Variants in SLC13A5 observed in about 807,000 individuals in gnomAD.
SLC13A5 encodes solute carrier family 13 member 5, also known as Na(+)/citrate cotransporter.
A neutral mutation model predicts 56.5 loss-of-function variants in SLC13A5; 25 were observed. The observed-to-expected ratio is 0.44, with a 90% CI of 0.32 to 0.62. SLC13A5 has a LOEUF of 0.62. Among genes scored for constraint, SLC13A5 ranks in the 20% least tolerant of loss-of-function variants. The pLI is 0.04. For synonymous variants in SLC13A5, 307 were observed against 301.5 expected (o/e 1.02, Z -0.19); for missense variants, 649 against 737.8 (o/e 0.88, Z 1.39).
chr17:6,689,540 A>G (rs930261237), intron 10 of SLC13A5: 3 of 152,200 alleles, frequency 2.0e-5, no homozygotes, highest in African/African-American at 7.2e-5. Flanking sequence ...GCTGGAGATG[A>G]CAAAGCCACG....
rs1380447406 is a variant in SLC13A5, at chr17:6,695,724, A to T, written c.1055+2T>A. ...GCGATTTCTATTGAATCCAAGACTT[A>T]CTTTGTCTCACCCTCCACCCAGGCA... On this transcript the variant is annotated splice_donor_variant, in intron 7 of 11. Transcript: ENST00000433363. LOFTEE classifies it high-confidence loss of function. 6.2e-7 allele frequency: 1 copy of T among 1,614,010 alleles called. No homozygotes were observed.
At chr17:6,700,199 A>C (rs1247366207) in intron 6 of SLC13A5, among the ~76,000 whole-genome samples, 1 of 152,068 alleles carries the variant, frequency 6.6e-6, no homozygotes. Flanking sequence ...AAAAACAATA[A>C]CTTTTTTTTA....
chr17:6,695,937 T>C lies in SLC13A5; in HGVS notation c.844A>G (p.Lys282Glu). 6.2e-7 allele frequency: 1 copy of C among 1,613,706 alleles called. No homozygotes were observed. Among genetic ancestry groups the C allele is most frequent in the Non-Finnish European group, 8.5e-7 (1 of 1,179,944 alleles). Reference protein sequence around the residue: ...LQFVYMRFNFKKSWGCGLESK... With the variant: ...LQFVYMRFNFEKSWGCGLESK... The stretch of plus-strand genomic sequence containing the variant: ...TCTAGCCCGCAGCCCCAGGACTTTT[T>C]AAAACTGGAGAATGCAAAGATGAGA... The change falls in exon 7 of 12, where the codon AAA (lysine) becomes GAA (glutamate). Residue 282 changes from lysine (K) to glutamate (E), a missense_variant. Coordinates refer to ENST00000433363, the MANE Select transcript of SLC13A5 (RefSeq NM_177550.5).
In SLC13A5 at chr17:6,690,861, A is replaced by G; in HGVS notation, c.1355T>C (p.Leu452Ser). The change falls in exon 10 of 12, where the codon TTG becomes TCG. Residue 452 changes from leucine (L) to serine (S), a missense_variant. Coordinates refer to ENST00000433363, the MANE Select transcript of SLC13A5 (RefSeq NM_177550.5). ...AVPPAAITLI[L>S]SLLVAVFTEC... ...AGTGAACACGGCAACGAGCAAGGAC[A>G]AGATCAAGGTGATGGCTGCCGGGGG... 5 of 1,614,214 alleles carry G rather than the reference A, an allele frequency of 3.1e-6. No homozygotes were observed. The highest frequency in any genetic ancestry group is 4.2e-6 in the Non-Finnish European group (5 of 1,180,018).
intron 9 of SLC13A5, 27 bp downstream of exon 9, chr17:6,693,017 T>C: frequency 6.3e-7 from 1 of 1,581,212 alleles, no homozygotes; most frequent in South Asian, 1.1e-5. Flanking sequence ...AAGAGGGCTC[T>C]GGGCAGCCTG....
At chr17:6,707,296 C>T in intron 1 of SLC13A5, 140 bp from the exon 2 acceptor site, 1 of 1,187,330 alleles carries the variant, frequency 8.4e-7, no homozygotes, top group Non-Finnish European at 1.2e-6. Flanking sequence ...ATCTTGTTCC[C>T]CAGCCCTGGT....
chr17:6,695,632 C>T (rs1973538722), intron 7 of SLC13A5, 94 bp downstream of exon 7: 1 of 1,283,280 alleles, frequency 7.8e-7, no homozygotes, highest in Admixed American at 1.8e-5. Flanking sequence ...CTCAAGTGAC[C>T]CACCCACCTC....
chr17:6,707,196 C>T, intron 1 of SLC13A5, 40 bp from the exon 2 acceptor site: 1 of 1,609,456 alleles, frequency 6.2e-7, no homozygotes, highest in Non-Finnish European at 8.5e-7. Flanking sequence ...GTTGCCGCCT[C>T]CCTCTCCCCA....
chr17:6,698,201 C>T (rs918030856), intron 6 of SLC13A5, among the ~76,000 whole-genome samples: 2 of 152,360 alleles, frequency 1.3e-5, no homozygotes, highest in Non-Finnish European at 2.9e-5. Flanking sequence ...AGTGGCCCGT[C>T]GGGAAGGGGA....
intron 8 of SLC13A5, 65 bp downstream of exon 8, chr17:6,694,032 C>T (rs1204437634): frequency 2.1e-5 from 23 of 1,091,756 alleles, no homozygotes; most frequent in African/African-American, 3.2e-5. Flanking sequence ...CAAGGCATCC[C>T]ATAGTGACCC....
rs218696 is a variant in SLC13A5 at position 6,690,603 on chromosome 17, T to C, written c.1437+176A>G. ...GGTACAAAGAGGAGTGGCAAAGCAG[T>C]GGAGGCCTCAGGGGCAGAGGCATCC... is the stretch of plus-strand genomic sequence containing the variant. On this transcript the variant is annotated intron_variant, in intron 10 of 11. Coordinates refer to ENST00000433363, the MANE Select transcript of SLC13A5 (RefSeq NM_177550.5). Among the ~76,000 whole-genome samples, 97,253 of 152,154 alleles carry C rather than the reference T, an allele frequency of 0.64. 32,780 individuals carry two copies. Among genetic ancestry groups the C allele is most frequent in the African/African-American group, 0.85 (35,141 of 41,522 alleles).
rs965183654 is a variant in SLC13A5 at position 6,692,369 on chromosome 17, C to T, written c.1275+675G>A. Among the ~76,000 whole-genome samples, 7 of 152,166 alleles carry T rather than the reference C, an allele frequency of 4.6e-5. No individual in the cohort carries two copies. The highest frequency in any genetic ancestry group is 1.0e-4 in the Non-Finnish European group (7 of 67,992). On this transcript the variant is annotated intron_variant, in intron 9 of 11. Coordinates refer to ENST00000433363, the MANE Select transcript of SLC13A5 (RefSeq NM_177550.5). This position sits in a 1 kb window ranked among gnomAD's most constrained non-coding sequence, Gnocchi z 5.5. Reference sequence around the variant, plus strand: ...CTAGATGGATGGATTTGTTCACCTCCGCAAAAACTTAGCACCCACTAGGCA... The same window carrying T: ...CTAGATGGATGGATTTGTTCACCTCTGCAAAAACTTAGCACCCACTAGGCA...
chr17:6,706,633 C>G lies in SLC13A5; in HGVS notation c.368+9G>C. 1 of 1,612,630 alleles carries G rather than the reference C, an allele frequency of 6.2e-7. No homozygotes were observed. Among genetic ancestry groups the G allele is most frequent in the Non-Finnish European group, 8.5e-7 (1 of 1,179,444 alleles). ...GAGCCACGTGGCAAGAGAGAGAAGG[C>G]GTAATTACCGTGCAGGCTTGGCCCC... On this transcript the variant is annotated intron_variant, in intron 3 of 11. Coordinates refer to ENST00000433363, the MANE Select transcript of SLC13A5 (RefSeq NM_177550.5).
chr17:6,686,564 T>C lies in SLC13A5; in HGVS notation c.1576-226A>G, dbSNP rs218690. 107,439 of 512,062 alleles carry C rather than the reference T, an allele frequency of 0.21. 14,671 individuals carry two copies. Among genetic ancestry groups the C allele is most frequent in the African/African-American group, 0.54 (27,948 of 52,098 alleles). 31.7% of individuals were successfully genotyped at this position (512,062 alleles called of 1,614,324 possible). A position where few individuals can be genotyped will look rare whatever the true frequency, so the allele number is the denominator to read the frequency against. On this transcript the variant is annotated intron_variant, in intron 11 of 11. Coordinates refer to ENST00000433363, the MANE Select transcript of SLC13A5 (RefSeq NM_177550.5). The stretch of plus-strand genomic sequence containing the variant: ...AGAGTGGATGGGTTCTCTATGCCCG[T>C]GCGCATTTGGAAAATGACCTCAGAG...
At position 6,687,919 on chromosome 17, in the gene SLC13A5, T is replaced by C; in HGVS notation, c.1438-253A>G. ...CGACATGTATTTCTTGGGCACCTAC[T>C]ATGTGCCAGAGACCATGCTGAGTAC... On this transcript the variant is annotated intron_variant, in intron 10 of 11. Coordinates refer to ENST00000433363, the MANE Select transcript of SLC13A5 (RefSeq NM_177550.5). This position sits in a 1 kb window ranked among gnomAD's most constrained non-coding sequence, Gnocchi z 5.0. 1 of 401,054 alleles carries C rather than the reference T, an allele frequency of 2.5e-6. No homozygotes were observed. The highest frequency in any genetic ancestry group is 4.4e-6 in the Non-Finnish European group (1 of 226,338). 24.8% of individuals were successfully genotyped at this position (401,054 alleles called of 1,614,324 possible). A position where few individuals can be genotyped will look rare whatever the true frequency, so the allele number is the denominator to read the frequency against.
chr17:6,706,858 A>C (rs1265603908), intron 2 of SLC13A5, 80 bp from the exon 3 acceptor site: 2 of 1,586,360 alleles, frequency 1.3e-6, no homozygotes, highest in Non-Finnish European at 1.7e-6. Context: ...TGCTGACTTC[A>C]GGGACAGCTT....
At chr17:6,695,624 C>G in intron 7 of SLC13A5, 102 bp downstream of exon 7, 1 of 1,188,038 alleles carries the variant, frequency 8.4e-7, no homozygotes, top group Non-Finnish European at 1.2e-6. Flanking sequence ...CTCCTGACCT[C>G]AAGTGACCCA....
At chr17:6,694,218 C>T (rs770179196) in intron 7 of SLC13A5, 21 bp from the exon 8 acceptor site, 2 of 1,451,976 alleles carry the variant, frequency 1.4e-6, no homozygotes, top group Admixed American at 1.7e-5. Flanking sequence ...AAAAGCACAG[C>T]TCATCTGCGA....
At chr17:6,710,682 G>T (rs1044368416) in intron 1 of SLC13A5, among the ~76,000 whole-genome samples, 1 of 152,128 alleles carries the variant, frequency 6.6e-6, no homozygotes, top group South Asian at 2.1e-4. Context: ...AGGATGGGAA[G>T]CGGATGTTAG....
Sources: allele counts gnomAD v4.1 joint callset (sites outside exome capture counted in the v4.1 genomes callset), GRCh38; gene constraint gnomAD v4.1.1; non-coding constraint Gnocchi (gnomAD v3.1); transcripts MANE v1.5; gene names NCBI Gene and HGNC (gene_info 2026-07-23, HGNC 2026-07-21).